The following OR10AG1 variants were observed in gnomAD, a reference collection of about 807,000 sequenced individuals.
OR10AG1 encodes olfactory receptor family 10 subfamily AG member 1, also known as olfactory receptor 10AG1.
For missense variants in OR10AG1, 433 were observed against 376.5 expected, an observed-to-expected ratio of 1.15 and a Z score of -1.24; for synonymous variants, 147 against 128.6, an observed-to-expected ratio of 1.14 and a Z score of -0.97.
At chr11:55,968,710 A>G (rs1384764374) in intron 1 of OR10AG1, among the ~76,000 whole-genome samples, 1 of 152,150 alleles carries the variant, frequency 6.6e-6, no homozygotes, top group Non-Finnish European at 1.5e-5. Context: ...ATTTTATTAT[A>G]CTGGGATATA....
At chr11:55,969,283 T>A (rs1343126634) in intron 1 of OR10AG1, among the ~76,000 whole-genome samples, 1 of 152,148 alleles carries the variant, frequency 6.6e-6, no homozygotes, top group African/African-American at 2.4e-5. Flanking sequence ...TCTCTCTATT[T>A]TCCCTTCATC....
In OR10AG1 at chr11:55,967,758, GGTGAGATGAGCAGGTGGA is replaced by G; in HGVS notation, c.748_765del (p.Ser250_His255del). On this transcript the variant is annotated inframe_deletion, in exon 2 of 2. Coordinates refer to ENST00000641071, the MANE Select transcript of OR10AG1 (RefSeq NM_001005491.2). The stretch of plus-strand genomic sequence containing the variant: ...CCAAAGAATAAGATTACAACTATTA[GGTGAGATGAGCAGGTGGA>G]GAAGGCTTTAGCCTTTCCTCTGGCT... 6.2e-7 allele frequency: 1 copy of G among 1,613,602 alleles called. No individual in the cohort carries two copies. The highest frequency in any genetic ancestry group is 8.5e-7 in the Non-Finnish European group (1 of 1,179,620).
Position 55,967,936 on chromosome 11 carries a change from G to T in OR10AG1, c.588C>A (p.Leu196=). 1 of 1,614,104 alleles carries T rather than the reference G, an allele frequency of 6.2e-7. No homozygotes were observed. The highest frequency in any genetic ancestry group is 1.3e-5 in the African/African-American group (1 of 75,012). Residue 196 remains leucine (L), a synonymous_variant, in exon 2 of 2, where the codon CTC becomes CTA. Transcript: ENST00000641071. The part of the protein sequence containing the change: ...NHFFCDIPPI[L]KLACGNIFVN... ...CAAATATGTTTCCACAAGCAAGCTT[G>T]AGTATTGGCGGGATGTCACAAAAGA...
In OR10AG1 at chr11:55,968,178, G is replaced by GA. The variant is rs548057957; in HGVS notation, c.345dup (p.Leu116SerfsTer17). The GA allele has an allele frequency of 7.4e-6, 12 of 1,613,602 alleles. No homozygotes were observed. Among genetic ancestry groups the GA allele is most frequent in the African/African-American group, 4.0e-5 (3 of 74,884 alleles). ...AGACACTCCGTGCCTCCAAGCATAA[G>GA]AAAAAAACACATTTGTGTAGCACAA... is the stretch of plus-strand genomic sequence containing the variant. On this transcript the variant is annotated frameshift_variant, in exon 2 of 2. Coordinates refer to ENST00000641071, the MANE Select transcript of OR10AG1 (RefSeq NM_001005491.2). LOFTEE classifies it low-confidence loss of function (END_TRUNC).
chr11:55,968,635 G>T (rs1176272554), intron 1 of OR10AG1, 128 bp from the exon 2 acceptor site: 6 of 502,678 alleles, frequency 1.2e-5, no homozygotes, highest in East Asian at 6.1e-5. Context: ...ACCAGTACTT[G>T]CTCTGTTTCT....
intron 1 of OR10AG1, among the ~76,000 whole-genome samples, chr11:55,969,274 C>G (rs889430455): frequency 6.6e-6 from 1 of 152,038 alleles, no homozygotes; most frequent in East Asian, 1.9e-4. Flanking sequence ...ACAATTCCTT[C>G]TCTCTATTTT....
chr11:55,967,787 G>T lies in OR10AG1; in HGVS notation c.737C>A (p.Ala246Asp). The part of the protein sequence containing the change: ...ILKLSSARGK[A>D]KAFSTCSSHL... ...AGATGAGCAGGTGGAGAAGGCTTTA[G>T]CCTTTCCTCTGGCTGATGACAATTT... The change falls in exon 2 of 2, where the codon GCT becomes GAT. Residue 246 changes from alanine to aspartate, a missense_variant. Transcript: ENST00000641071. 6.2e-7 allele frequency: 1 copy of T among 1,613,930 alleles called. No homozygotes were observed. The highest frequency in any genetic ancestry group is 8.5e-7 in the Non-Finnish European group (1 of 1,179,916).
Position 55,967,849 on chromosome 11 carries a change from A to T in OR10AG1, c.675T>A (p.Ile225=). Residue 225 remains isoleucine (I), a synonymous_variant, in exon 2 of 2, where the codon ATT becomes ATA. Coordinates refer to ENST00000641071, the MANE Select transcript of OR10AG1 (RefSeq NM_001005491.2). ...VVFITVPFLL[I]VVSYGKIISN... is the part of the protein sequence containing the mutation. ...AGATAATTTTGCCATAAGAGACAAC[A>T]ATCAACAGAAATGGCACCGTGATAA... 6.2e-7 allele frequency: 1 copy of T among 1,614,142 alleles called. No homozygotes were observed. The highest frequency in any genetic ancestry group is 8.5e-7 in the Non-Finnish European group (1 of 1,179,996).
Position 55,966,708 on chromosome 11 carries a change from C to T in OR10AG1, c.*850G>A, listed in dbSNP as rs563373253. On this transcript the variant is annotated 3_prime_UTR_variant, in exon 2 of 2. Coordinates refer to ENST00000641071, the MANE Select transcript of OR10AG1 (RefSeq NM_001005491.2). ...CTTTACATGATGTCCTTCTCTGTTT[C>T]TCTGCACCTTTTTTCCCCTCAAACT... The T allele has an allele frequency of 1.3e-5, 2 of 152,212 alleles. No individual in the cohort carries two copies. Among genetic ancestry groups the T allele is most frequent in the African/African-American group, 4.8e-5 (2 of 41,482 alleles). The allele number at this position is 152,212 out of a possible 1,614,324, so 9.4% of individuals were successfully genotyped here.
At chr11:55,968,750 T>C (rs1295045571) in intron 1 of OR10AG1, among the ~76,000 whole-genome samples, 3 of 152,118 alleles carry the variant, frequency 2.0e-5, no homozygotes, top group African/African-American at 4.8e-5. Context: ...GAAGCATGCA[T>C]TGTTGTTTAG....
Position 55,968,593 on chromosome 11 carries a change from A to G in OR10AG1, c.17-86T>C. 5.0e-6 allele frequency: 3 copies of G among 594,740 alleles called. No homozygotes were observed. The South Asian group carries it at 7.2e-5, about 14-fold the overall frequency. The allele number at this position is 594,740 out of a possible 1,614,324, so 36.8% of individuals were successfully genotyped here. On this transcript the variant is annotated intron_variant, in intron 1 of 1. Transcript: ENST00000641071. ...TTGGGTTAACTAAATGAGATACAGG[A>G]ATATACTTACTTAAGCTCTTAAGTC...
chr11:55,967,503 G>A lies in OR10AG1; in HGVS notation c.*55C>T, dbSNP rs977241756. On this transcript the variant is annotated 3_prime_UTR_variant, in exon 2 of 2. Transcript: ENST00000641071. ...GGACAAAGTTAAAAAAAAATTCACT[G>A]AAGCCACATGACAAACCTATAAAGA... is the stretch of plus-strand genomic sequence containing the variant. 58 of 1,168,708 alleles carry A rather than the reference G, an allele frequency of 5.0e-5. No homozygotes were observed. The highest frequency in any genetic ancestry group is 2.3e-5 in the Non-Finnish European group (19 of 821,952). The allele number at this position is 1,168,708 out of a possible 1,614,324, so 72.4% of individuals were successfully genotyped here.
Position 55,967,742 on chromosome 11 carries a change from A to T in OR10AG1, c.782T>A (p.Leu261Ter). The T allele has an allele frequency of 6.2e-7, 1 of 1,613,864 alleles. No homozygotes were observed. Among genetic ancestry groups the T allele is most frequent in the Non-Finnish European group, 8.5e-7 (1 of 1,179,834 alleles). Residue 261 changes from leucine to a stop codon, truncating the protein, a stop_gained, in exon 2 of 2, where the codon TTA (leucine) becomes TAA (stop). Transcript: ENST00000641071. LOFTEE classifies it low-confidence loss of function (END_TRUNC). ...TCSSHLIVVI[L>*]FFGAGTITYL... The stretch of plus-strand genomic sequence containing the variant: ...AGTGATAGTACCTGCTCCAAAGAAT[A>T]AGATTACAACTATTAGGTGAGATGA...
Position 55,968,327 on chromosome 11 carries a change from A to G in OR10AG1, c.197T>C (p.Leu66Pro), listed in dbSNP as rs766153051. ...AAGAAAAAAATACATGGGAGTCTGG[A>G]GAGCGGGGTGAATTTTTATTAGTAG... is the stretch of plus-strand genomic sequence containing the variant. ...IILLIKIHPALQTPMYFFLSN... is the reference protein window; with the variant it reads ...IILLIKIHPAPQTPMYFFLSN... Residue 66 changes from leucine (L) to proline (P), a missense_variant, in exon 2 of 2, where the codon CTC becomes CCC. Coordinates refer to ENST00000641071, the MANE Select transcript of OR10AG1 (RefSeq NM_001005491.2). The G allele has an allele frequency of 6.2e-7, 1 of 1,613,342 alleles. No individual in the cohort carries two copies. The highest frequency in any genetic ancestry group is 8.5e-7 in the Non-Finnish European group (1 of 1,179,484).
Position 55,967,784 on chromosome 11 carries a change from T to A in OR10AG1, c.740A>T (p.Lys247Ile), listed in dbSNP as rs746463167. Reference protein sequence around the residue: ...LKLSSARGKAKAFSTCSSHLI... With the variant: ...LKLSSARGKAIAFSTCSSHLI... ...GTGAGATGAGCAGGTGGAGAAGGCT[T>A]TAGCCTTTCCTCTGGCTGATGACAA... Residue 247 changes from lysine (K) to isoleucine (I), a missense_variant, in exon 2 of 2, where the codon AAA (lysine) becomes ATA (isoleucine). Transcript: ENST00000641071. The A allele has an allele frequency of 6.2e-7, 1 of 1,613,794 alleles. No individual in the cohort carries two copies. Among genetic ancestry groups the A allele is most frequent in the South Asian group, 1.1e-5 (1 of 91,064 alleles).
intron 1 of OR10AG1, among the ~76,000 whole-genome samples, chr11:55,968,770 T>C (rs373709195): frequency 8.5e-5 from 13 of 152,246 alleles, no homozygotes; most frequent in African/African-American, 3.1e-4. Flanking sequence ...GAAAATATTA[T>C]GGAGGAATAA....
rs781089782 is a variant in OR10AG1 at position 55,968,483 on chromosome 11, T to A, written c.41A>T (p.Lys14Ile). The A allele has an allele frequency of 1.3e-6, 2 of 1,495,074 alleles. No homozygotes were observed. The highest frequency in any genetic ancestry group is 2.2e-5 in the Admixed American group (1 of 45,360). 92.6% of individuals were successfully genotyped at this position (1,495,074 alleles called of 1,614,324 possible). A position where few individuals can be genotyped will look rare whatever the true frequency, so the allele number is the denominator to read the frequency against. ...PKDGEQTKREKSNVTTIMEFV... is the reference protein window; with the variant it reads ...PKDGEQTKREISNVTTIMEFV... ...TTCCATTATTGTAGTCACATTTGAT[T>A]TTTCTCTTTTAGTTTGCTCTCCATC... Residue 14 changes from lysine (K) to isoleucine (I), a missense_variant, in exon 2 of 2, where the codon AAA (lysine) becomes ATA (isoleucine). Physicochemically the swap from Lys to Ile is moderately radical, Grantham distance 102. Transcript: ENST00000641071.
rs1491230740 is a variant in OR10AG1, at chr11:55,966,291, T to TATATATATA, written c.*1266_*1267insTATATATAT. 1 of 61,754 alleles carries TATATATATA rather than the reference T, an allele frequency of 1.6e-5. No individual in the cohort carries two copies. Among genetic ancestry groups the TATATATATA allele is most frequent in the Non-Finnish European group, 3.7e-5 (1 of 26,704 alleles). 3.8% of individuals were successfully genotyped at this position (61,754 alleles called of 1,614,324 possible). A position where few individuals can be genotyped will look rare whatever the true frequency, so the allele number is the denominator to read the frequency against. On this transcript the variant is annotated 3_prime_UTR_variant, in exon 2 of 2. Transcript: ENST00000641071. Reference sequence around the variant, plus strand: ...AAGAATATATATATATATATATATATTTTTTTTTTTAAACAGAAGTCAATT... The same window carrying TATATATATA: ...AAGAATATATATATATATATATATATATATATATATTTTTTTTTTAAACAGAAGTCAATT...
rs1852702708 is a variant in OR10AG1 at position 55,967,757 on chromosome 11, AG to A, written c.766del (p.Leu256Ter). On this transcript the variant is annotated frameshift_variant, in exon 2 of 2. Transcript: ENST00000641071. LOFTEE classifies it low-confidence loss of function (END_TRUNC). ...AKAFSTCSSH[L>X]IVVILFFGAG... ...TCCAAAGAATAAGATTACAACTATTAGGTGAGATGAGCAGGTGGAGAAGGCT... is the reference window on the plus strand; with the variant it reads ...TCCAAAGAATAAGATTACAACTATTAGTGAGATGAGCAGGTGGAGAAGGCT... 1 of 1,613,526 alleles carries A rather than the reference AG, an allele frequency of 6.2e-7. No individual in the cohort carries two copies. Among genetic ancestry groups the A allele is most frequent in the African/African-American group, 1.3e-5 (1 of 74,854 alleles).
Sources: allele counts gnomAD v4.1 joint callset (sites outside exome capture counted in the v4.1 genomes callset), GRCh38; gene constraint gnomAD v4.1.1; transcripts MANE v1.5; gene names NCBI Gene and HGNC (gene_info 2026-07-23, HGNC 2026-07-21).